Variants in TRAF3 observed in about 807,000 individuals in gnomAD.
TRAF3 encodes TNF receptor associated factor 3, also known as TNF receptor-associated factor 3.
A neutral mutation model predicts 62.3 loss-of-function variants in TRAF3; 13 were observed. The ratio of observed to expected loss-of-function variants is 0.21; its 90% CI spans 0.14 to 0.33. TRAF3 has a LOEUF of 0.33. Ranked by LOEUF, TRAF3 falls within the 10% of genes least tolerant of loss-of-function variation. The probability of loss-of-function intolerance (pLI) is 1.00; values close to 1 mark genes in which losing one functional copy is unlikely to be tolerated. For missense variants in TRAF3, 440 were observed against 741.8 expected (o/e 0.59, Z 4.73); for synonymous variants, 269 against 283.4 (o/e 0.95, Z 0.51).
intron 6 of TRAF3, among the ~76,000 whole-genome samples, chr14:102,880,007 T>C (rs1888956644): frequency 6.6e-6 from 1 of 152,116 alleles, no homozygotes; most frequent in Non-Finnish European, 1.5e-5. Flanking sequence ...TTCTAGCTAC[T>C]AGGGAGGCCA....
intron 2 of TRAF3, among the ~76,000 whole-genome samples, chr14:102,861,961 T>C (rs1392823326): frequency 1.3e-5 from 2 of 152,252 alleles, no homozygotes; most frequent in Non-Finnish European, 2.9e-5. Flanking sequence ...TTATTAGATA[T>C]GTGATTTGCA....
rs1566817645 is a variant in TRAF3, at chr14:102,909,760, G to A, written c.*3976G>A. On this transcript the variant is annotated 3_prime_UTR_variant, in exon 12 of 12. Transcript: ENST00000392745. ...GCTGCCTCCCAGACCACGTCAGCCT[G>A]CTCCAGGGTCCTCAGTCACCCTGGG... 6.6e-6 allele frequency: 1 copy of A among 152,276 alleles called. No individual in the cohort carries two copies. Among genetic ancestry groups the A allele is most frequent in the Admixed American group, 6.5e-5 (1 of 15,286 alleles). The allele number at this position is 152,276 out of a possible 1,614,324, so 9.4% of individuals were successfully genotyped here.
intron 11 of TRAF3, among the ~76,000 whole-genome samples, chr14:102,904,440 C>A (rs1173972213): frequency 2.0e-5 from 3 of 152,178 alleles, no homozygotes; most frequent in African/African-American, 7.2e-5. Context: ...CTTTGGGAGG[C>A]TGAGGCAGGA....
chr14:102,900,209 C>T (rs1463972838), intron 10 of TRAF3, among the ~76,000 whole-genome samples: 21 of 138,932 alleles, frequency 1.5e-4, no homozygotes, highest in African/African-American at 5.4e-4. Flanking sequence ...AAAAAGACAG[C>T]CTAGGCCGGT....
intron 1 of TRAF3, among the ~76,000 whole-genome samples, chr14:102,806,126 G>A (rs1426203230): frequency 2.0e-5 from 3 of 152,160 alleles, no homozygotes; most frequent in Non-Finnish European, 4.4e-5. Context: ...AACGAGGGAT[G>A]CTGTGAACAC....
rs867366168 is a variant in TRAF3, at chr14:102,802,177, T to C, written c.-157+24502T>C. ...TCATTTTTTTTTTTTTTTTTTGAGA[T>C]GGAGTCTCTCTCTGTCGCCCAGGCT... On this transcript the variant is annotated intron_variant, in intron 1 of 11. Transcript: ENST00000392745. Among the ~76,000 whole-genome samples the C allele has an allele frequency of 4.1e-3, 389 of 95,626 alleles. 1 individual carries two copies. The highest frequency in any genetic ancestry group is 0.01 in the Admixed American group (84 of 8,158). 62.7% of individuals were successfully genotyped at this position (95,626 alleles called of 152,430 possible).
chr14:102,780,179 G>A (rs1243740282), intron 1 of TRAF3, among the ~76,000 whole-genome samples: 1 of 152,214 alleles, frequency 6.6e-6, no homozygotes, highest in African/African-American at 2.4e-5. Context: ...CTTGCTTTCA[G>A]CAGGAGTGAT....
At chr14:102,828,026 C>T (rs568412102) in intron 1 of TRAF3, among the ~76,000 whole-genome samples, 4 of 152,248 alleles carry the variant, frequency 2.6e-5, no homozygotes, top group Non-Finnish European at 4.4e-5. Context: ...GAGGGGGCGT[C>T]GTAGCGCACA....
At chr14:102,876,315 G>A (rs979517021) in intron 5 of TRAF3, 43 bp from the exon 6 acceptor site, 1 of 1,607,058 alleles carries the variant, frequency 6.2e-7, no homozygotes, top group African/African-American at 1.3e-5. Context: ...TCAGATTTAG[G>A]GTTTTTTTCC....
Position 102,903,502 on chromosome 14 carries a change from G to A in TRAF3, c.1135+73G>A, listed in dbSNP as rs1239534980. ...GGCGAGTGCTGGGGCGGGGTCCGTG[G>A]GATGAGGGCTATGTTAGGTACATGT... is the stretch of plus-strand genomic sequence containing the variant. On this transcript the variant is annotated intron_variant, in intron 11 of 11. Transcript: ENST00000392745. This position sits in a 1 kb window ranked among gnomAD's most constrained non-coding sequence, Gnocchi z 6.4. 6.3e-7 allele frequency: 1 copy of A among 1,599,784 alleles called. No homozygotes were observed. The highest frequency in any genetic ancestry group is 8.5e-7 in the Non-Finnish European group (1 of 1,171,248).
chr14:102,900,690 A>G (rs549816272), intron 10 of TRAF3, among the ~76,000 whole-genome samples: 1 of 152,296 alleles, frequency 6.6e-6, no homozygotes, highest in African/African-American at 2.4e-5. Flanking sequence ...CGGGCTTCTC[A>G]CAGCGCCGGG....
At chr14:102,829,110 G>A (rs959407809) in intron 1 of TRAF3, among the ~76,000 whole-genome samples, 1 of 152,154 alleles carries the variant, frequency 6.6e-6, no homozygotes. Flanking sequence ...GAGTCAGAGC[G>A]GAGATTTATT....
chr14:102,840,370 A>G (rs1395810501), intron 2 of TRAF3, among the ~76,000 whole-genome samples: 1 of 152,154 alleles, frequency 6.6e-6, no homozygotes, highest in Admixed American at 6.5e-5. Flanking sequence ...AGCTGAGACT[A>G]CAGGCACATG....
intron 1 of TRAF3, among the ~76,000 whole-genome samples, chr14:102,790,670 C>T (rs138041577): frequency 6.6e-6 from 1 of 152,238 alleles, no homozygotes; most frequent in African/African-American, 2.4e-5. Context: ...CCCCTGGGTT[C>T]CTTCCCATAA....
intron 2 of TRAF3, among the ~76,000 whole-genome samples, chr14:102,845,036 T>C (rs1173266462): frequency 2.6e-5 from 4 of 151,580 alleles, no homozygotes; most frequent in African/African-American, 9.7e-5. Flanking sequence ...TAGCTGGGAC[T>C]ACAGGTGGCT....
chr14:102,827,681 C>G (rs752081509), intron 1 of TRAF3, among the ~76,000 whole-genome samples: 2 of 152,168 alleles, frequency 1.3e-5, no homozygotes, highest in Non-Finnish European at 2.9e-5. Context: ...AGCACATGGT[C>G]AGTGCTCACT....
At chr14:102,786,078 G>T (rs1450884010) in intron 1 of TRAF3, among the ~76,000 whole-genome samples, 2 of 152,228 alleles carry the variant, frequency 1.3e-5, no homozygotes, top group African/African-American at 4.8e-5. Flanking sequence ...GATGTACACA[G>T]TAAAAAGGAG....
intron 6 of TRAF3, among the ~76,000 whole-genome samples, chr14:102,881,591 TAGG>T (rs776567176): frequency 1.8e-4 from 27 of 151,974 alleles, no homozygotes; most frequent in African/African-American, 5.8e-4. Context: ...CCTGTGGGGT[TAGG>T]AGAGGGAGAG....
chr14:102,797,431 C>T (rs993826096), intron 1 of TRAF3, among the ~76,000 whole-genome samples: 14 of 151,924 alleles, frequency 9.2e-5, no homozygotes, highest in Non-Finnish European at 1.8e-4. Flanking sequence ...TGGTGGGAAG[C>T]GTAGAGATTA....
Sources: gnomAD v4.1 joint callset for allele counts (sites outside exome capture counted in the v4.1 genomes callset) on GRCh38, gnomAD v4.1.1 for gene constraint, Gnocchi (gnomAD v3.1) non-coding constraint, MANE v1.5 for transcripts, NCBI Gene and HGNC (gene_info 2026-07-23, HGNC 2026-07-21) for gene names.